NTRK2: variants seen among roughly 807,000 people sequenced by gnomAD.
The protein encoded by NTRK2 is BDNF/NT-3 growth factors receptor.
NTRK2 carries 13 observed loss-of-function variants against 94.5 expected under a neutral mutation model. The ratio of observed to expected loss-of-function variants is 0.14; its 90% CI spans 0.09 to 0.22. The LOEUF (loss-of-function observed/expected upper bound fraction) is 0.22, where lower values mean the gene tolerates loss of function less well. Among genes scored for constraint, NTRK2 ranks in the 10% least tolerant of loss-of-function variants. The pLI is 1.00. For synonymous variants in NTRK2, 372 were observed against 407.4 expected, an observed-to-expected ratio of 0.91 and a Z score of 1.05; for missense variants, 639 against 1,071.2, an observed-to-expected ratio of 0.60 and a Z score of 5.63.
At chr9:84,876,744 G>A (rs1171594341) in intron 14 of NTRK2, 1 of 1,060,782 alleles carries the variant, frequency 9.4e-7, no homozygotes. Flanking sequence ...GCCATTTCCT[G>A]ATATCTACAG....
chr9:84,712,230 T>C (rs2061455407), intron 6 of NTRK2, among the ~76,000 whole-genome samples: 1 of 152,198 alleles, frequency 6.6e-6, no homozygotes, highest in South Asian at 2.1e-4. Context: ...CCAATTTCAT[T>C]TTTTTCCATT....
intron 16 of NTRK2, 125 bp downstream of exon 16, chr9:84,948,759 A>G (rs1223913636): frequency 1.3e-6 from 1 of 754,582 alleles, no homozygotes; most frequent in Non-Finnish European, 2.2e-6. Context: ...TGATAATGAC[A>G]CCAGCATATG....
At chr9:84,926,160 TCCTTCCTTCCTTTC>T (rs2077782644) in intron 14 of NTRK2, among the ~76,000 whole-genome samples, 2 of 80,844 alleles carry the variant, frequency 2.5e-5, no homozygotes, top group African/African-American at 8.8e-5. Flanking sequence ...CTTCCTTCCT[TCCTTCCTTCCTTTC>T]TTTCTTTCTT....
At chr9:84,989,115 A>C (rs560000131) in intron 17 of NTRK2, among the ~76,000 whole-genome samples, 1 of 152,174 alleles carries the variant, frequency 6.6e-6, no homozygotes, top group Non-Finnish European at 1.5e-5. Context: ...CCAAACCTCA[A>C]GAAAAGGCTT....
rs1195739182 is a variant in NTRK2 at position 84,890,423 on chromosome 9, G to A, written c.1633+22992G>A. 3.9e-5 allele frequency among the ~76,000 whole-genome samples: 6 copies of A among 152,196 alleles called. No individual in the cohort carries two copies. In the South Asian group the frequency reaches 1.0e-3, roughly 26 times the overall value. On this transcript the variant is annotated intron_variant, in intron 14 of 18. Transcript: ENST00000277120. ...GGGTACTCAGAATCTTTTTTATGAA[G>A]GGGCCATTTGATGAACTGCTGGGGT...
At chr9:84,994,300 A>C (rs929027128) in intron 17 of NTRK2, among the ~76,000 whole-genome samples, 1 of 152,230 alleles carries the variant, frequency 6.6e-6, no homozygotes, top group Non-Finnish European at 1.5e-5. Flanking sequence ...CATGCTCACT[A>C]TCATATTCCC....
intron 12 of NTRK2, among the ~76,000 whole-genome samples, chr9:84,810,334 A>C (rs1177274308): frequency 6.6e-6 from 1 of 152,140 alleles, no homozygotes; most frequent in Non-Finnish European, 1.5e-5. Flanking sequence ...TAAGTTTAAA[A>C]CTAAGTTGCT....
intron 14 of NTRK2, among the ~76,000 whole-genome samples, chr9:84,919,959 T>C (rs905069177): frequency 6.6e-6 from 1 of 152,220 alleles, no homozygotes; most frequent in Non-Finnish European, 1.5e-5. Flanking sequence ...CGTAGTTAGT[T>C]GATGGCCACA....
intron 12 of NTRK2, among the ~76,000 whole-genome samples, chr9:84,789,618 A>G (rs1400069784): frequency 6.6e-6 from 1 of 152,176 alleles, no homozygotes; most frequent in Non-Finnish European, 1.5e-5. Context: ...ATCAGCCTGG[A>G]GTAAATAGCA....
intron 11 of NTRK2, among the ~76,000 whole-genome samples, chr9:84,748,049 G>A (rs1046306805): frequency 6.6e-6 from 1 of 152,178 alleles, no homozygotes; most frequent in Non-Finnish European, 1.5e-5. Context: ...AGTTAAAAAT[G>A]TTTCTGGTCC....
chr9:85,009,263 A>G (rs1831304511), intron 17 of NTRK2, among the ~76,000 whole-genome samples: 1 of 152,264 alleles, frequency 6.6e-6, no homozygotes. Flanking sequence ...GAAATATAAG[A>G]CTTTAAATAA....
rs2067026180 is a variant in NTRK2, at chr9:84,776,213, G to GTTAT, written c.1396+24143_1396+24146dup. On this transcript the variant is annotated intron_variant, in intron 12 of 18. Coordinates refer to ENST00000277120, the MANE Select transcript of NTRK2 (RefSeq NM_006180.6). ...TAGATACAGACTGTTTAAAAGCTTT[G>GTTAT]TTATTTATTTATTTATTTTTTCTTT... Among the ~76,000 whole-genome samples the GTTAT allele has an allele frequency of 2.6e-5, 4 of 151,866 alleles. No individual in the cohort carries two copies. In the South Asian group the frequency reaches 8.3e-4, roughly 32 times the overall value.
At chr9:84,846,304 C>T (rs897434988) in intron 12 of NTRK2, among the ~76,000 whole-genome samples, 2 of 152,222 alleles carry the variant, frequency 1.3e-5, no homozygotes, top group Non-Finnish European at 2.9e-5. Context: ...CCTTCCTGGA[C>T]AGACCTCTCA....
intron 12 of NTRK2, among the ~76,000 whole-genome samples, chr9:84,784,228 A>G (rs1210758065): frequency 6.6e-6 from 1 of 152,196 alleles, no homozygotes; most frequent in Non-Finnish European, 1.5e-5. Context: ...TTGAGAAATA[A>G]TAATTGTGCA....
rs180876853 is a variant in NTRK2, at chr9:84,769,662, G to T, written c.1396+17577G>T. Among the ~76,000 whole-genome samples, 27 of 152,308 alleles carry T rather than the reference G, an allele frequency of 1.8e-4. No individual in the cohort carries two copies. The East Asian group carries it at 3.1e-3, about 17-fold the overall frequency. On this transcript the variant is annotated intron_variant, in intron 12 of 18. Coordinates refer to ENST00000277120, the MANE Select transcript of NTRK2 (RefSeq NM_006180.6). ...GTTTCTCTTGGTTTTTAAGGAGTTA[G>T]CCAGTGCTCTTTCCCATGACTTCAG...
Position 85,011,846 on chromosome 9 carries a change from T to A in NTRK2, c.2173-8360T>A, listed in dbSNP as rs1831608448. On this transcript the variant is annotated intron_variant, in intron 17 of 18. Coordinates refer to ENST00000277120, the MANE Select transcript of NTRK2 (RefSeq NM_006180.6). ...GTCCTGACCTATACTCTCTACCTCC[T>A]AGCTGTGTGCGCTTGGGTCGGTCCC... is the stretch of plus-strand genomic sequence containing the variant. Among the ~76,000 whole-genome samples the A allele has an allele frequency of 2.0e-5, 3 of 152,120 alleles. No individual in the cohort carries two copies. In the South Asian group the frequency reaches 6.2e-4, roughly 32 times the overall value.
chr9:84,796,039 G>A (rs377371707), intron 12 of NTRK2, among the ~76,000 whole-genome samples: 36 of 151,122 alleles, frequency 2.4e-4, no homozygotes, highest in Admixed American at 5.9e-4. Context: ...CAGAACTGAC[G>A]CCAAGGCCTC....
chr9:84,986,156 C>T (rs967408977), intron 17 of NTRK2, among the ~76,000 whole-genome samples: 1 of 152,076 alleles, frequency 6.6e-6, no homozygotes, highest in Admixed American at 6.6e-5. Flanking sequence ...ACAAACAGCC[C>T]CCAAACCGTG....
At chr9:84,964,738 T>A (rs924767086) in intron 17 of NTRK2, among the ~76,000 whole-genome samples, 21 of 152,244 alleles carry the variant, frequency 1.4e-4, no homozygotes, top group African/African-American at 4.8e-4. Context: ...TCACTCACTG[T>A]CCTTCATTGC....
Sources: allele counts gnomAD v4.1 joint callset (sites outside exome capture counted in the v4.1 genomes callset), GRCh38; gene constraint gnomAD v4.1.1; transcripts MANE v1.5; gene names NCBI Gene and HGNC (gene_info 2026-07-23, HGNC 2026-07-21).